Variants in GPC5 observed in about 807,000 individuals in gnomAD.
GPC5 encodes glypican 5.
Under a neutral mutation model 53.9 loss-of-function variants are expected in GPC5, and 47 were observed. The observed-to-expected ratio is 0.87, with a 90% CI of 0.69 to 1.11. The LOEUF (loss-of-function observed/expected upper bound fraction) is 1.11, where lower values mean the gene tolerates loss of function less well. Ranked by LOEUF, GPC5 falls within the 50% of genes most tolerant of loss-of-function variation. The pLI is 0.00. For missense variants in GPC5, 748 were observed against 713.1 expected (o/e 1.05, Z -0.56); for synonymous variants, 286 against 263.3 (o/e 1.09, Z -0.84).
intron 5 of GPC5, among the ~76,000 whole-genome samples, chr13:91,758,537 G>A (rs188519185): frequency 2.0e-5 from 3 of 152,198 alleles, no homozygotes; most frequent in Admixed American, 2.0e-4. Context: ...AGAAATCAAT[G>A]ATTTGGGGAA....
chr13:91,662,303 A>C (rs2035006017), intron 2 of GPC5, among the ~76,000 whole-genome samples: 3 of 152,206 alleles, frequency 2.0e-5, no homozygotes, highest in African/African-American at 4.8e-5. Context: ...GAGACCGCCA[A>C]ATGTTGCTGA....
At chr13:92,186,482 G>A (rs1338941810) in intron 7 of GPC5, among the ~76,000 whole-genome samples, 1 of 151,656 alleles carries the variant, frequency 6.6e-6, no homozygotes, top group Non-Finnish European at 1.5e-5. Context: ...ATAATAAATA[G>A]GTTTCTATAA....
chr13:92,596,285 T>C (rs1233493536), intron 7 of GPC5, among the ~76,000 whole-genome samples: 4 of 152,080 alleles, frequency 2.6e-5, no homozygotes, highest in Non-Finnish European at 5.9e-5. Flanking sequence ...GAAACGTTGC[T>C]AAGATGTAAA....
intron 4 of GPC5, among the ~76,000 whole-genome samples, chr13:91,750,175 T>C (rs949015724): frequency 2.6e-5 from 4 of 152,194 alleles, no homozygotes; most frequent in African/African-American, 9.7e-5. Context: ...AGGGAACAAA[T>C]GCTACACTGT....
intron 2 of GPC5, among the ~76,000 whole-genome samples, chr13:91,534,556 C>G (rs1009730362): frequency 6.6e-6 from 1 of 152,160 alleles, no homozygotes; most frequent in African/African-American, 2.4e-5. Context: ...AAGTTAAATA[C>G]TCTGCATTGG....
chr13:92,257,546 A>ATTTTTTT lies in GPC5; in HGVS notation c.1561+112572_1561+112578dup, dbSNP rs398023955. 7.7e-4 allele frequency among the ~76,000 whole-genome samples: 56 copies of ATTTTTTT among 72,938 alleles called. 11 individuals are homozygous for ATTTTTTT. The highest frequency in any genetic ancestry group is 3.6e-3 in the African/African-American group (47 of 12,944). The allele number at this position is 72,938 out of a possible 152,430, so 47.9% of individuals were successfully genotyped here. On this transcript the variant is annotated intron_variant, in intron 7 of 7. Coordinates refer to ENST00000377067, the MANE Select transcript of GPC5 (RefSeq NM_004466.6). ...AGTGAGAGAGGTTTCTAATACAGGG[A>ATTTTTTT]TTTTTTTTTTTTTTTTTTTTTGGGG...
intron 7 of GPC5, among the ~76,000 whole-genome samples, chr13:92,253,545 A>G (rs955218920): frequency 2.0e-5 from 3 of 152,122 alleles, no homozygotes; most frequent in African/African-American, 7.2e-5. Flanking sequence ...CAAATGCACC[A>G]GTAGTAAGAT....
At chr13:91,480,076 G>T (rs548227849) in intron 2 of GPC5, among the ~76,000 whole-genome samples, 1 of 152,154 alleles carries the variant, frequency 6.6e-6, no homozygotes, top group Non-Finnish European at 1.5e-5. Context: ...TTTGTTGGGT[G>T]TATTTATATC....
intron 2 of GPC5, among the ~76,000 whole-genome samples, chr13:91,564,623 C>T (rs914618649): frequency 4.6e-5 from 7 of 152,130 alleles, no homozygotes; most frequent in Admixed American, 4.6e-4. Context: ...CAGAATAAAT[C>T]GCCTGCAGAC....
Position 91,950,959 on chromosome 13 carries a change from T to C in GPC5, c.1401+42902T>C, listed in dbSNP as rs182150545. On this transcript the variant is annotated intron_variant, in intron 6 of 7. Transcript: ENST00000377067. ...CTCTGCTGCCCACCACACCTAATACTATTTCTACTGCTATTACTACTCCTC... is the reference window on the plus strand; with the variant it reads ...CTCTGCTGCCCACCACACCTAATACCATTTCTACTGCTATTACTACTCCTC... 7.3e-4 allele frequency among the ~76,000 whole-genome samples: 111 copies of C among 152,252 alleles called. 1 individual carries two copies. Among genetic ancestry groups the C allele is most frequent in the African/African-American group, 2.3e-3 (97 of 41,562 alleles).
chr13:92,237,096 T>C (rs1265042026), intron 7 of GPC5, among the ~76,000 whole-genome samples: 15 of 152,184 alleles, frequency 9.9e-5, no homozygotes, highest in Admixed American at 9.8e-4. Context: ...TGACATCATG[T>C]TCTGAAAACT....
At chr13:92,524,386 G>A (rs566624937) in intron 7 of GPC5, among the ~76,000 whole-genome samples, 4 of 151,972 alleles carry the variant, frequency 2.6e-5, no homozygotes, top group Non-Finnish European at 5.9e-5. Context: ...TTGTTATCCT[G>A]CATTGTATAG....
chr13:91,503,575 A>T (rs759730881), intron 2 of GPC5, among the ~76,000 whole-genome samples: 8 of 151,424 alleles, frequency 5.3e-5, no homozygotes, highest in Non-Finnish European at 1.2e-4. Flanking sequence ...AGGTCAGGAG[A>T]TGGTGACCCT....
chr13:92,038,370 A>C (rs1176874532), intron 6 of GPC5, among the ~76,000 whole-genome samples: 1 of 134,694 alleles, frequency 7.4e-6, no homozygotes, highest in Non-Finnish European at 1.6e-5. Context: ...ATAGATAGAT[A>C]GATAGATAGA....
intron 7 of GPC5, among the ~76,000 whole-genome samples, chr13:92,500,492 A>T (rs1034977180): frequency 2.6e-5 from 4 of 152,228 alleles, no homozygotes; most frequent in Admixed American, 2.0e-4. Context: ...AGCGATTTAG[A>T]TAGACTTCTC....
At chr13:92,306,166 G>A (rs1346314607) in intron 7 of GPC5, among the ~76,000 whole-genome samples, 1 of 152,150 alleles carries the variant, frequency 6.6e-6, no homozygotes, top group Non-Finnish European at 1.5e-5. Context: ...AGGGTGAATA[G>A]ACCAATGTTT....
At chr13:92,276,593 T>A (rs1259333300) in intron 7 of GPC5, among the ~76,000 whole-genome samples, 1 of 152,110 alleles carries the variant, frequency 6.6e-6, no homozygotes, top group African/African-American at 2.4e-5. Flanking sequence ...ATGTGATTCA[T>A]GAGTGCTAGC....
chr13:91,623,683 T>A (rs1168257730), intron 2 of GPC5, among the ~76,000 whole-genome samples: 1 of 152,122 alleles, frequency 6.6e-6, no homozygotes, highest in Non-Finnish European at 1.5e-5. Context: ...AATCTGAATT[T>A]GGCATTGGCA....
chr13:92,494,180 C>T (rs990765974), intron 7 of GPC5, among the ~76,000 whole-genome samples: 8 of 152,064 alleles, frequency 5.3e-5, no homozygotes, highest in Admixed American at 1.3e-4. Context: ...AGCTCCGCCT[C>T]CTGGGTTCAC....
Sources: allele counts gnomAD v4.1 joint callset (sites outside exome capture counted in the v4.1 genomes callset), GRCh38; gene constraint gnomAD v4.1.1; transcripts MANE v1.5; gene names NCBI Gene and HGNC (gene_info 2026-07-23, HGNC 2026-07-21).